CCHCR1: variants seen among roughly 807,000 people sequenced by gnomAD.
The protein encoded by CCHCR1 is HCR (a-helix coiled-coil rod homologue).
In CCHCR1, 91 loss-of-function variants were observed where a neutral mutation model predicts 114.6. That is an observed-to-expected ratio of 0.79 (90% confidence interval 0.67 to 0.94). CCHCR1 has a LOEUF of 0.94. CCHCR1 is among the 40% of genes least tolerant of loss of function. The pLI, the probability that CCHCR1 is intolerant of heterozygous loss-of-function variation, is 0.00. For missense variants in CCHCR1, 899 were observed against 1,079.9 expected (o/e 0.83, Z 2.35); for synonymous variants, 379 against 428.5 (o/e 0.88, Z 1.43).
At position 31,143,393 on chromosome 6, in the gene CCHCR1, G is replaced by A; in HGVS notation, c.2188C>T (p.Gln730Ter). The change falls in exon 16 of 18, where the codon CAG becomes TAG. Residue 730 changes from glutamine to a stop codon, truncating the protein, a stop_gained. Coordinates refer to ENST00000396268, the MANE Select transcript of CCHCR1 (RefSeq NM_001105564.2). LOFTEE classifies it high-confidence loss of function. This position sits in a 1 kb window ranked among gnomAD's most constrained non-coding sequence, Gnocchi z 5.3. Reference protein sequence around the residue: ...AKAVVSLRQIQRRAAQEKERS... With the variant: ...AKAVVSLRQI ...TCCTTTTCCTGGGCGGCTCTGCGCT[G>A]AATCTGGCGTAAGGAGACCACTACA... 1 of 1,612,960 alleles carries A rather than the reference G, an allele frequency of 6.2e-7. No homozygotes were observed. The highest frequency in any genetic ancestry group is 8.5e-7 in the Non-Finnish European group (1 of 1,180,030).
rs926706876 is a variant in CCHCR1, at chr6:31,145,648, G to C, written c.1693+48C>G. Reference sequence around the variant, plus strand: ...AGCTGGGTCAGGAAGAAGAAAGTCCGAGCTGGTGGGGTGGGGGCAGGACGT... The same window carrying C: ...AGCTGGGTCAGGAAGAAGAAAGTCCCAGCTGGTGGGGTGGGGGCAGGACGT... On this transcript the variant is annotated intron_variant, in intron 11 of 17. Coordinates refer to ENST00000396268, the MANE Select transcript of CCHCR1 (RefSeq NM_001105564.2). The C allele has an allele frequency of 2.0e-6, 3 of 1,496,362 alleles. No individual in the cohort carries two copies. The South Asian group carries it at 3.4e-5, about 17-fold the overall frequency. 92.7% of individuals were successfully genotyped at this position (1,496,362 alleles called of 1,614,324 possible).
chr6:31,145,509 C>T lies in CCHCR1; in HGVS notation c.1694-16G>A, dbSNP rs763621534. On this transcript the variant is annotated splice_polypyrimidine_tract_variant and intron_variant, in intron 11 of 17. Coordinates refer to ENST00000396268, the MANE Select transcript of CCHCR1 (RefSeq NM_001105564.2). ...GCAATCAGGCCTGGAGGGGAAAAAGCAGGGAGAAAAAGAGATGAAGTTTGC... is the reference window on the plus strand; with the variant it reads ...GCAATCAGGCCTGGAGGGGAAAAAGTAGGGAGAAAAAGAGATGAAGTTTGC... 25 of 1,613,562 alleles carry T rather than the reference C, an allele frequency of 1.5e-5. 1 individual carries two copies. The South Asian group carries it at 2.7e-4, about 18-fold the overall frequency.
chr6:31,142,922 G>A (rs761584697), intron 17 of CCHCR1, 41 bp downstream of exon 17: 2 of 1,591,004 alleles, frequency 1.3e-6, no homozygotes, highest in Non-Finnish European at 8.6e-7. Flanking sequence ...TTCCTGAAGT[G>A]CGCGCATTTG....
rs147152245 is a variant in CCHCR1, at chr6:31,144,966, G to C, written c.1984C>G (p.Arg662Gly). 3 of 1,609,896 alleles carry C rather than the reference G, an allele frequency of 1.9e-6. No homozygotes were observed. The African/African-American group carries it at 4.0e-5, about 21-fold the overall frequency. The change falls in exon 14 of 18, where the codon CGC becomes GGC. Residue 662 changes from arginine (R) to glycine (G), a missense_variant. Coordinates refer to ENST00000396268, the MANE Select transcript of CCHCR1 (RefSeq NM_001105564.2). This position sits in a 1 kb window ranked among gnomAD's most constrained non-coding sequence, Gnocchi z 4.6. The part of the protein sequence containing the change: ...ASLGLQLEVA[R>G]QGQQESTEEA... ...TCTGTGCTCTCCTGCTGGCCCTGGC[G>C]TGCTACCTCCAGCTGCAGCCCCAAG...
In CCHCR1 at chr6:31,150,136, A is replaced by G. The variant is rs749792784; in HGVS notation, c.1292T>C (p.Phe431Ser). 20 of 1,614,064 alleles carry G rather than the reference A, an allele frequency of 1.2e-5. No homozygotes were observed. In the Admixed American group the frequency reaches 2.3e-4, roughly 19 times the overall value. ...SLLNRWREKV[F>S]ALMVQLKAQE... ...GGCCTTTAGCTGCACCATGAGGGCA[A>G]ACACCTTCTCCCGCCAGCGGTTCAG... Residue 431 changes from phenylalanine to serine, a missense_variant, in exon 8 of 18, where the codon TTT becomes TCT. Coordinates refer to ENST00000396268, the MANE Select transcript of CCHCR1 (RefSeq NM_001105564.2). The surrounding 1 kb of genome is among the most constrained non-coding windows in gnomAD (Gnocchi z 5.3).
In CCHCR1 at chr6:31,145,175, G is replaced by C. The variant is rs144588628; in HGVS notation, c.1867C>G (p.Arg623Gly). 1.1e-5 allele frequency: 18 copies of C among 1,612,664 alleles called. No homozygotes were observed. The highest frequency in any genetic ancestry group is 1.7e-5 in the Admixed American group (1 of 60,016). The change falls in exon 13 of 18, where the codon CGG (arginine) becomes GGG (glycine). Residue 623 changes from arginine to glycine, a missense_variant. Arg to Gly is a moderately radical substitution (Grantham distance 125, BLOSUM62 -2). Transcript: ENST00000396268. ...RLIQQEVGRA[R>G]EQGEAERQQL... ...TGGCAACCAGGTGTACCTTGCTCCCGAGCCCGGCCCACCTCCTGCTGGATG... is the reference window on the plus strand; with the variant it reads ...TGGCAACCAGGTGTACCTTGCTCCCCAGCCCGGCCCACCTCCTGCTGGATG...
At position 31,151,770 on chromosome 6, in the gene CCHCR1, G is replaced by A. The variant is rs180752334; in HGVS notation, c.802-648C>T. ...GACCACACTGGAAGGAAAGCTCCAGGAAAGGAGGAATTTTGTGTCTTTTGC... is the reference window on the plus strand; with the variant it reads ...GACCACACTGGAAGGAAAGCTCCAGAAAAGGAGGAATTTTGTGTCTTTTGC... On this transcript the variant is annotated intron_variant, in intron 4 of 17. Coordinates refer to ENST00000396268, the MANE Select transcript of CCHCR1 (RefSeq NM_001105564.2). The surrounding 1 kb of genome is among the most constrained non-coding windows in gnomAD (Gnocchi z 4.1). Among the ~76,000 whole-genome samples, 3 of 152,274 alleles carry A rather than the reference G, an allele frequency of 2.0e-5. No homozygotes were observed. The highest frequency in any genetic ancestry group is 7.2e-5 in the African/African-American group (3 of 41,556).
At position 31,150,801 on chromosome 6, in the gene CCHCR1, A is replaced by G. The variant is rs762505904; in HGVS notation, c.1025T>C (p.Val342Ala). The change falls in exon 6 of 18, where the codon GTT (valine) becomes GCT (alanine). Residue 342 changes from valine to alanine, a missense_variant. Physicochemically the swap from Val to Ala is moderately conservative, Grantham distance 64. Coordinates refer to ENST00000396268, the MANE Select transcript of CCHCR1 (RefSeq NM_001105564.2). The surrounding 1 kb of genome is among the most constrained non-coding windows in gnomAD (Gnocchi z 5.3). ...GACCTCAGAAGGCACTTGTTCCCCA[A>G]CATATTTTCTTAGATTCTCAACCAG... ...VTLVENLRKY[V>A]GEQVPSEVHS... 1.2e-6 allele frequency: 2 copies of G among 1,612,922 alleles called. No individual in the cohort carries two copies. Among genetic ancestry groups the G allele is most frequent in the Non-Finnish European group, 1.7e-6 (2 of 1,180,030 alleles).
intron 10 of CCHCR1, among the ~76,000 whole-genome samples, chr6:31,148,041 A>G (rs569590938): frequency 2.6e-5 from 4 of 151,704 alleles, no homozygotes; most frequent in East Asian, 1.9e-4. Flanking sequence ...AAAATTTTAG[A>G]AAAAAAAAGG....
At chr6:31,142,737 T>C in intron 17 of CCHCR1, 21 bp from the exon 18 acceptor site, 1 of 1,599,442 alleles carries the variant, frequency 6.3e-7, no homozygotes, top group Non-Finnish European at 8.5e-7. Flanking sequence ...AGACAGCAGA[T>C]GAGCACCAGA....
chr6:31,142,742 A>G, intron 17 of CCHCR1, 26 bp from the exon 18 acceptor site: 1 of 1,596,396 alleles, frequency 6.3e-7, no homozygotes, highest in East Asian at 2.2e-5. Flanking sequence ...GCAGATGAGC[A>G]CCAGACAAGG....
upstream of CCHCR1, chr6:31,158,076 A>C (rs1776356845): frequency 1.2e-5 from 2 of 167,724 alleles, no homozygotes; most frequent in Admixed American, 5.7e-5. Flanking sequence ...TGGCCCCTGT[A>C]CCCCCTTCCC....
intron 9 of CCHCR1, 37 bp downstream of exon 9, chr6:31,148,581 C>T (rs2151019436): frequency 6.3e-7 from 1 of 1,593,146 alleles, no homozygotes; most frequent in Non-Finnish European, 8.6e-7. Flanking sequence ...CAGGGGCTCC[C>T]TTGCCCTCCC....
At chr6:31,145,879 A>G (rs753230378) in intron 10 of CCHCR1, 71 bp from the exon 11 acceptor site, 6 of 893,440 alleles carry the variant, frequency 6.7e-6, no homozygotes, top group South Asian at 1.4e-5. Flanking sequence ...TGCCTTGTAT[A>G]GACAACTCCC....
Position 31,151,182 on chromosome 6 carries a change from C to T in CCHCR1, c.802-60G>A. On this transcript the variant is annotated intron_variant, in intron 4 of 17. Transcript: ENST00000396268. This position sits in a 1 kb window ranked among gnomAD's most constrained non-coding sequence, Gnocchi z 4.1. ...ACCCCACATGGAGGCCTTCCTTGTTCCCTTCACTCCCACTTTCTGTGACCT... is the reference window on the plus strand; with the variant it reads ...ACCCCACATGGAGGCCTTCCTTGTTTCCTTCACTCCCACTTTCTGTGACCT... The T allele has an allele frequency of 1.3e-6, 2 of 1,519,240 alleles. No homozygotes were observed. The highest frequency in any genetic ancestry group is 1.8e-6 in the Non-Finnish European group (2 of 1,125,168). The allele number at this position is 1,519,240 out of a possible 1,614,324, so 94.1% of individuals were successfully genotyped here.
rs751304882 is a variant in CCHCR1 at position 31,150,209 on chromosome 6, G to T, written c.1219C>A (p.Pro407Thr). 4 of 1,614,124 alleles carry T rather than the reference G, an allele frequency of 2.5e-6. No homozygotes were observed. The highest frequency in any genetic ancestry group is 1.1e-5 in the South Asian group (1 of 91,088). The change falls in exon 8 of 18, where the codon CCT becomes ACT. Residue 407 changes from proline to threonine, a missense_variant. By Grantham distance (38) the Pro-to-Thr change is conservative (BLOSUM62 -1). Transcript: ENST00000396268. The surrounding 1 kb of genome is among the most constrained non-coding windows in gnomAD (Gnocchi z 5.3). ...AACTCAGGCTCCAGGGAATCTGAAG[G>T]TTGAACCTGAGGGAGAAGGAGTGGG... ...QEEELTRKVQ[P>T]SDSLEPEFTR...
rs1486369047 is a variant in CCHCR1 at position 31,157,013 on chromosome 6, TC to T, written c.283+9del. The T allele has an allele frequency of 1.9e-6, 3 of 1,611,844 alleles. No individual in the cohort carries two copies. The highest frequency in any genetic ancestry group is 2.5e-6 in the Non-Finnish European group (3 of 1,179,038). On this transcript the variant is annotated intron_variant, in intron 2 of 17. Coordinates refer to ENST00000396268, the MANE Select transcript of CCHCR1 (RefSeq NM_001105564.2). Reference sequence around the variant, plus strand: ...GACAACCACCACTCCCCTTGTCTGGTCCCACTGACCTGAAGGTGGAAACATC... The same window carrying T: ...GACAACCACCACTCCCCTTGTCTGGTCCACTGACCTGAAGGTGGAAACATC...
chr6:31,156,327 G>A (rs189624701), intron 3 of CCHCR1: 64 of 207,198 alleles, frequency 3.1e-4, no homozygotes, highest in African/African-American at 1.4e-3. Flanking sequence ...CAGATAATAC[G>A]ACAGCATGGC....
chr6:31,156,683 G>T, intron 3 of CCHCR1, 48 bp downstream of exon 3: 1 of 1,496,772 alleles, frequency 6.7e-7, no homozygotes, highest in Non-Finnish European at 9.1e-7. Context: ...CAGTGAGGAA[G>T]GGTCACTAGC....
Sources: gnomAD v4.1 joint callset for allele counts (sites outside exome capture counted in the v4.1 genomes callset) on GRCh38, gnomAD v4.1.1 for gene constraint, Gnocchi (gnomAD v3.1) non-coding constraint, MANE v1.5 for transcripts, NCBI Gene and HGNC (gene_info 2026-07-23, HGNC 2026-07-21) for gene names.